Variants in AFF1 observed in about 807,000 individuals in gnomAD.
AFF1 encodes the protein ALF transcription elongation factor 1.
In AFF1, 48 loss-of-function variants were observed where a neutral mutation model predicts 121.7. That is an observed-to-expected ratio of 0.39 (90% CI 0.31 to 0.50). AFF1 has a LOEUF of 0.50. Among genes scored for constraint, AFF1 ranks in the 20% least tolerant of loss-of-function variants. The pLI is 0.76. For missense variants in AFF1, 1,523 were observed against 1,511.7 expected (o/e 1.01, Z -0.12); for synonymous variants, 613 against 563.0 (o/e 1.09, Z -1.26).
chr4:86,959,482 C>T (rs1721988342), intron 2 of AFF1, among the ~76,000 whole-genome samples: 1 of 138,930 alleles, frequency 7.2e-6, no homozygotes, highest in Non-Finnish European at 1.5e-5. Context: ...TTTAAAGTTC[C>T]TTAATACTCT....
At chr4:87,036,615 C>T (rs1729586748) in intron 2 of AFF1, among the ~76,000 whole-genome samples, 2 of 152,046 alleles carry the variant, frequency 1.3e-5, no homozygotes, top group Admixed American at 6.6e-5. Flanking sequence ...TTCCTTACTC[C>T]CTTAAAAACC....
chr4:87,039,089 C>T (rs914466823), intron 2 of AFF1, among the ~76,000 whole-genome samples: 1 of 152,174 alleles, frequency 6.6e-6, no homozygotes, highest in Admixed American at 6.6e-5. Flanking sequence ...AAGGTGCTTA[C>T]AGCCAGATGA....
At chr4:87,083,365 A>G (rs535342306) in intron 4 of AFF1, among the ~76,000 whole-genome samples, 1 of 152,332 alleles carries the variant, frequency 6.6e-6, no homozygotes, top group South Asian at 2.1e-4. Context: ...CTGTGTATGT[A>G]TATATGCATG....
intron 2 of AFF1, among the ~76,000 whole-genome samples, chr4:86,952,381 C>T (rs975298896): frequency 3.9e-5 from 6 of 152,068 alleles, no homozygotes; most frequent in Non-Finnish European, 8.8e-5. Flanking sequence ...GTAAGATTTT[C>T]GTGGAGGTGA....
intron 1 of AFF1, chr4:86,936,361 T>C (rs1016087891): frequency 1.3e-5 from 2 of 152,212 alleles, no homozygotes; most frequent in African/African-American, 2.4e-5. Context: ...CTGGGACAGT[T>C]GCAAAGTGAG....
At chr4:86,978,287 G>A (rs1453512685) in intron 2 of AFF1, among the ~76,000 whole-genome samples, 4 of 140,014 alleles carry the variant, frequency 2.9e-5, no homozygotes, top group East Asian at 4.6e-4. Context: ...GGGTTCAAGC[G>A]ATTCTCCTGC....
intron 8 of AFF1, among the ~76,000 whole-genome samples, chr4:87,100,264 G>A (rs1187822484): frequency 3.3e-5 from 5 of 152,044 alleles, no homozygotes; most frequent in Non-Finnish European, 2.9e-5. Context: ...AACAAGGTGT[G>A]GTCCACTTTC....
Position 87,050,750 on chromosome 4 carries a change from A to G in AFF1, c.1059+3156A>G, listed in dbSNP as rs140742242. On this transcript the variant is annotated intron_variant, in intron 4 of 20. Coordinates refer to ENST00000395146, the MANE Select transcript of AFF1 (RefSeq NM_001166693.3). ...AACTGGAAGATGTCTAGCAGTGTGA[A>G]GTGACCAATCTGAGGCCAGGCCCAG... 3.9e-3 allele frequency among the ~76,000 whole-genome samples: 594 copies of G among 152,334 alleles called. 5 individuals carry two copies. The highest frequency in any genetic ancestry group is 0.014 in the African/African-American group (571 of 41,580).
At position 87,001,207 on chromosome 4, in the gene AFF1, C is replaced by CTTTTTTTT. The variant is rs34072831; in HGVS notation, c.39-44939_39-44932dup. Reference sequence around the variant, plus strand: ...TGAGAGGACTGCTTTCCTTTTTCTACTTTTTTTTTTTTTTTTTTTTTTTTT... The same window carrying CTTTTTTTT: ...TGAGAGGACTGCTTTCCTTTTTCTACTTTTTTTTTTTTTTTTTTTTTTTTTTTTTTTTT... On this transcript the variant is annotated intron_variant, in intron 2 of 20. Transcript: ENST00000395146. Among the ~76,000 whole-genome samples the CTTTTTTTT allele has an allele frequency of 2.5e-3, 149 of 60,314 alleles. 36 individuals are homozygous for CTTTTTTTT. Among genetic ancestry groups the CTTTTTTTT allele is most frequent in the Non-Finnish European group, 2.9e-3 (98 of 33,308 alleles). 39.6% of individuals were successfully genotyped at this position (60,314 alleles called of 152,430 possible). A position where few individuals can be genotyped will look rare whatever the true frequency, so the allele number is the denominator to read the frequency against.
intron 6 of AFF1, 81 bp downstream of exon 6, chr4:87,090,151 G>C (rs1302903398): frequency 6.2e-6 from 7 of 1,134,266 alleles, no homozygotes; most frequent in Non-Finnish European, 9.1e-6. Flanking sequence ...GATTGATAAA[G>C]TATTACTTGT....
chr4:87,044,857 G>C (rs1043366398), intron 2 of AFF1, among the ~76,000 whole-genome samples: 2 of 152,196 alleles, frequency 1.3e-5, no homozygotes, highest in African/African-American at 4.8e-5. Flanking sequence ...CCTGCAAGGG[G>C]ACAGTAGATA....
intron 2 of AFF1, among the ~76,000 whole-genome samples, chr4:86,996,248 G>T (rs1165329532): frequency 1.8e-4 from 28 of 152,176 alleles, no homozygotes; most frequent in Admixed American, 1.8e-3. Flanking sequence ...TTGAGAACGG[G>T]CCATGATGAC....
intron 2 of AFF1, chr4:87,007,358 G>A (rs1445688150): frequency 1.2e-6 from 2 of 1,612,102 alleles, no homozygotes; most frequent in Admixed American, 3.3e-5. Context: ...CAGGGCCCGC[G>A]GGGTGAAGGC....
rs554823039 is a variant in AFF1 at position 86,986,016 on chromosome 4, CT to C, written c.38+37452del. On this transcript the variant is annotated intron_variant, in intron 2 of 20. Coordinates refer to ENST00000395146, the MANE Select transcript of AFF1 (RefSeq NM_001166693.3). ...AAGTGACTAATTAAACACCTGAATC[CT>C]TTTTTTAAAATTTAATTCAATTCAA... 9.0e-3 allele frequency among the ~76,000 whole-genome samples: 1,322 copies of C among 146,118 alleles called. 25 individuals are homozygous for C. Among genetic ancestry groups the C allele is most frequent in the African/African-American group, 0.032 (1,269 of 39,432 alleles).
At chr4:87,116,358 T>C (rs1264249711) in intron 12 of AFF1, among the ~76,000 whole-genome samples, 1 of 152,220 alleles carries the variant, frequency 6.6e-6, no homozygotes, top group Non-Finnish European at 1.5e-5. Flanking sequence ...CTGTTCTGTT[T>C]GTTGCTTTTT....
In AFF1 at chr4:87,087,712, T is replaced by C. The variant is rs1307389719; in HGVS notation, c.1105-2272T>C. Among the ~76,000 whole-genome samples the C allele has an allele frequency of 2.0e-5, 3 of 152,216 alleles. No homozygotes were observed. The East Asian group carries it at 5.8e-4, about 29-fold the overall frequency. On this transcript the variant is annotated intron_variant, in intron 5 of 20. Coordinates refer to ENST00000395146, the MANE Select transcript of AFF1 (RefSeq NM_001166693.3). ...GACTACCAGGGAACCACTTAGGGTT[T>C]GAAAGAATTTATGTACTTTCCAACT...
intron 4 of AFF1, among the ~76,000 whole-genome samples, chr4:87,048,529 A>G (rs1007687954): frequency 2.0e-5 from 3 of 152,236 alleles, no homozygotes; most frequent in Non-Finnish European, 2.9e-5. Flanking sequence ...AGTTACATCT[A>G]TTGTATAAAC....
Position 87,108,330 on chromosome 4 carries a change from C to T in AFF1, c.1533+15C>T. The T allele has an allele frequency of 6.2e-7, 1 of 1,609,912 alleles. No homozygotes were observed. The highest frequency in any genetic ancestry group is 8.5e-7 in the Non-Finnish European group (1 of 1,179,276). ...CAGCTCCGGAGGTACCGTGTTCCCCCTCGAGATGGCCACCTTAGATGGCAG... is the reference window on the plus strand; with the variant it reads ...CAGCTCCGGAGGTACCGTGTTCCCCTTCGAGATGGCCACCTTAGATGGCAG... On this transcript the variant is annotated intron_variant, in intron 11 of 20. Transcript: ENST00000395146.
chr4:87,084,275 A>C, intron 5 of AFF1, 111 bp downstream of exon 5: 6 of 1,157,846 alleles, frequency 5.2e-6, no homozygotes, highest in Non-Finnish European at 6.4e-6. Context: ...GCGGTGGCTC[A>C]TGCCTGTAAT....
Sources: allele counts gnomAD v4.1 joint callset (sites outside exome capture counted in the v4.1 genomes callset), GRCh38; gene constraint gnomAD v4.1.1; transcripts MANE v1.5; gene names NCBI Gene and HGNC (gene_info 2026-07-23, HGNC 2026-07-21).